The following CPEB3 variants were observed in gnomAD, a reference collection of about 807,000 sequenced individuals.
CPEB3 encodes cytoplasmic polyadenylation element-binding protein 3.
CPEB3 carries 20 observed loss-of-function variants against 67.2 expected under a neutral mutation model. The ratio of observed to expected loss-of-function variants is 0.30; its 90% CI spans 0.21 to 0.43. CPEB3 has a LOEUF of 0.43. Ranked by LOEUF, CPEB3 falls within the 20% of genes least tolerant of loss-of-function variation. The pLI, the probability that CPEB3 is intolerant of heterozygous loss-of-function variation, is 1.00. For synonymous variants in CPEB3, 376 were observed against 393.1 expected (o/e 0.96, Z 0.51); for missense variants, 746 against 968.6 (o/e 0.77, Z 3.05).
chr10:92,288,361 G>A (rs911360376), intron 1 of CPEB3, among the ~76,000 whole-genome samples: 1 of 151,666 alleles, frequency 6.6e-6, no homozygotes, highest in Non-Finnish European at 1.5e-5. Flanking sequence ...TTGGGGGGCT[G>A]AGGCAGGGGG....
At chr10:92,230,128 T>G (rs1851199656) in intron 2 of CPEB3, among the ~76,000 whole-genome samples, 1 of 152,170 alleles carries the variant, frequency 6.6e-6, no homozygotes, top group Non-Finnish European at 1.5e-5. Flanking sequence ...AGGACAAAAT[T>G]ATAACTTGGT....
chr10:92,180,971 G>A lies in CPEB3; in HGVS notation c.1214C>T (p.Ala405Val). 2.0e-6 allele frequency: 3 copies of A among 1,467,848 alleles called. No individual in the cohort carries two copies. The highest frequency in any genetic ancestry group is 1.1e-5 in the South Asian group (1 of 87,502). The allele number at this position is 1,467,848 out of a possible 1,614,324, so 90.9% of individuals were successfully genotyped here. Residue 405 changes from alanine (A) to valine (V), a missense_variant, in exon 4 of 10, where the codon GCA becomes GTA. Ala to Val is a moderately conservative substitution (Grantham distance 64). This residue lies in a region of CPEB3 where 643 missense variants were observed against 717.5 expected (regional missense o/e 0.90). Transcript: ENST00000265997. ...FHHPGTDNIM[A>V]LNNAFLDDSH... is the part of the protein sequence containing the mutation. The stretch of plus-strand genomic sequence containing the variant: ...TTCATATGAAGACTTACTGTTAAGT[G>A]CCATAATATTATCTGTTCCTGGATG...
rs56316802 is a variant in CPEB3 at position 92,258,625 on chromosome 10, AAT to A, written c.-11-18266_-11-18265del. Among the ~76,000 whole-genome samples the A allele has an allele frequency of 8.9e-3, 290 of 32,756 alleles. 4 individuals carry two copies. Among genetic ancestry groups the A allele is most frequent in the Middle Eastern group, 0.053 (2 of 38 alleles). The allele number at this position is 32,756 out of a possible 152,430, so 21.5% of individuals were successfully genotyped here. On this transcript the variant is annotated intron_variant, in intron 1 of 9. Coordinates refer to ENST00000265997, the MANE Select transcript of CPEB3 (RefSeq NM_014912.5). ...TTCCAGACTTCAATTATATTTTTTG[AAT>A]ATATATATATATATATATATATATA...
At chr10:92,241,346 C>G (rs772071289) in intron 1 of CPEB3, among the ~76,000 whole-genome samples, 17 of 152,094 alleles carry the variant, frequency 1.1e-4, no homozygotes, top group Non-Finnish European at 2.2e-4. Context: ...AAAAAACCCT[C>G]AGAGATTTAA....
At chr10:92,197,566 T>C (rs901070846) in intron 2 of CPEB3, among the ~76,000 whole-genome samples, 1 of 152,182 alleles carries the variant, frequency 6.6e-6, no homozygotes, top group Non-Finnish European at 1.5e-5. Flanking sequence ...CAAGAAGTAT[T>C]AGAACATCTA....
intron 7 of CPEB3, among the ~76,000 whole-genome samples, chr10:92,101,215 T>C (rs1182617850): frequency 6.6e-6 from 1 of 152,164 alleles, no homozygotes; most frequent in Non-Finnish European, 1.5e-5. Context: ...CAAAGCCGTA[T>C]GTTCTTTTTC....
chr10:92,172,420 A>G (rs1197244680), intron 4 of CPEB3, among the ~76,000 whole-genome samples: 1 of 152,236 alleles, frequency 6.6e-6, no homozygotes, highest in African/African-American at 2.4e-5. Flanking sequence ...TGAAAGTAAC[A>G]CTGAACATGT....
intron 8 of CPEB3, among the ~76,000 whole-genome samples, chr10:92,084,044 TG>T: frequency 6.7e-6 from 1 of 150,300 alleles, no homozygotes; most frequent in African/African-American, 2.5e-5. Context: ...TAGCCGGGCG[TG>T]GTGGCAGACG....
intron 5 of CPEB3, 96 bp downstream of exon 5, chr10:92,144,849 T>C (rs1564816091): frequency 1.1e-5 from 12 of 1,084,824 alleles, no homozygotes; most frequent in African/African-American, 4.6e-5. Context: ...CACTAAGATA[T>C]AGATGTCCTA....
intron 2 of CPEB3, among the ~76,000 whole-genome samples, chr10:92,225,037 C>T (rs954987987): frequency 4.0e-5 from 6 of 150,200 alleles, no homozygotes; most frequent in Non-Finnish European, 8.9e-5. Context: ...TGCAATGATG[C>T]AATCTCGGCT....
chr10:92,240,780 C>T (rs530355010), intron 1 of CPEB3, among the ~76,000 whole-genome samples: 1 of 152,316 alleles, frequency 6.6e-6, no homozygotes, highest in East Asian at 1.9e-4. Context: ...TCAATAAATA[C>T]TGCTGCGTCC....
intron 9 of CPEB3, among the ~76,000 whole-genome samples, chr10:92,067,903 G>A (rs1198098693): frequency 6.6e-6 from 1 of 152,158 alleles, no homozygotes; most frequent in Non-Finnish European, 1.5e-5. Context: ...CTCAGATATA[G>A]CAAACCCACA....
intron 7 of CPEB3, 66 bp from the exon 8 acceptor site, chr10:92,092,010 C>G (rs1340393614): frequency 1.2e-5 from 12 of 963,692 alleles, no homozygotes; most frequent in Non-Finnish European, 1.8e-5. Flanking sequence ...AATAAGATGA[C>G]TAAAGACAAA....
intron 2 of CPEB3, among the ~76,000 whole-genome samples, chr10:92,206,400 T>C (rs1054564965): frequency 1.3e-5 from 2 of 152,094 alleles, no homozygotes; most frequent in Non-Finnish European, 2.9e-5. Context: ...ATTCTGGTGA[T>C]AGTTGGGTCC....
chr10:92,157,781 A>G (rs528599763), intron 4 of CPEB3, among the ~76,000 whole-genome samples: 1 of 152,174 alleles, frequency 6.6e-6, no homozygotes, highest in Admixed American at 6.6e-5. Context: ...ATGTTTATTC[A>G]CAATAAACCA....
intron 9 of CPEB3, among the ~76,000 whole-genome samples, chr10:92,080,003 A>G (rs942485265): frequency 4.6e-5 from 7 of 151,688 alleles, no homozygotes; most frequent in Non-Finnish European, 7.4e-5. Context: ...GATCGAGACC[A>G]TCCTGGCTAA....
chr10:92,104,320 T>G (rs1844332180), intron 7 of CPEB3, among the ~76,000 whole-genome samples: 1 of 151,908 alleles, frequency 6.6e-6, no homozygotes, highest in African/African-American at 2.4e-5. Flanking sequence ...CATTATCCCT[T>G]AAGGGGTGGC....
At chr10:92,193,496 T>C (rs1036356362) in intron 2 of CPEB3, among the ~76,000 whole-genome samples, 4 of 151,968 alleles carry the variant, frequency 2.6e-5, no homozygotes, top group South Asian at 2.1e-4. Flanking sequence ...CTTGCTTTGT[T>C]GCCGAGGTTG....
At position 92,074,033 on chromosome 10, in the gene CPEB3, T is replaced by G. The variant is rs112107385; in HGVS notation, c.1869+7287A>C. The stretch of plus-strand genomic sequence containing the variant: ...GTGCAAAGTGCTCTCTGGTGGACAG[T>G]TGGATATGTGAAAGAATGGTTTAAA... On this transcript the variant is annotated intron_variant, in intron 9 of 9. Coordinates refer to ENST00000265997, the MANE Select transcript of CPEB3 (RefSeq NM_014912.5). Among the ~76,000 whole-genome samples the G allele has an allele frequency of 2.6e-5, 4 of 152,176 alleles. No individual in the cohort carries two copies. The East Asian group carries it at 7.7e-4, about 29-fold the overall frequency.
Sources: allele counts gnomAD v4.1 joint callset (sites outside exome capture counted in the v4.1 genomes callset), GRCh38; gene constraint gnomAD v4.1.1; regional missense constraint gnomAD v4.1.1; transcripts MANE v1.5; gene names NCBI Gene and HGNC (gene_info 2026-07-23, HGNC 2026-07-21).